The following MYH2 variants were observed in gnomAD, a reference collection of about 807,000 sequenced individuals.
The protein encoded by MYH2 is myosin heavy chain 2.
A neutral mutation model predicts 228.1 loss-of-function variants in MYH2; 139 were observed. That is an observed-to-expected ratio of 0.61 (90% CI 0.53 to 0.70). MYH2 has a LOEUF of 0.70. MYH2 is among the 30% of genes least tolerant of loss of function. MYH2 has a pLI of 0.00. For missense variants in MYH2, 1,809 were observed against 2,357.5 expected (o/e 0.77, Z 4.82); for synonymous variants, 796 against 871.1 (o/e 0.91, Z 1.52).
At chr17:10,540,130 A>T in intron 11 of MYH2, 64 bp from the exon 12 acceptor site, 1 of 1,604,324 alleles carries the variant, frequency 6.2e-7, no homozygotes, top group Admixed American at 1.7e-5. Flanking sequence ...TTAATACTGC[A>T]CATTCCCATT....
At position 10,535,770 on chromosome 17, in the gene MYH2, A is replaced by G. The variant is rs142088550; in HGVS notation, c.1975-405T>C. ...TGCACCACATTTGGACGTTTTCCTT[A>G]TAATACAGCTCCTCTTTTCCAGCTC... is the stretch of plus-strand genomic sequence containing the variant. On this transcript the variant is annotated intron_variant, in intron 17 of 39. Coordinates refer to ENST00000245503, the MANE Select transcript of MYH2 (RefSeq NM_017534.6). 2.0e-3 allele frequency among the ~76,000 whole-genome samples: 299 copies of G among 152,364 alleles called. 2 individuals are homozygous for G. Among genetic ancestry groups the G allele is most frequent in the African/African-American group, 6.8e-3 (283 of 41,584 alleles).
chr17:10,546,061 A>T (rs2073624987), intron 4 of MYH2, among the ~76,000 whole-genome samples: 1 of 151,862 alleles, frequency 6.6e-6, no homozygotes, highest in Admixed American at 6.6e-5. Context: ...GCATTAAGAT[A>T]ATTCAAATTT....
At chr17:10,539,766 C>T (rs2073528841) in intron 12 of MYH2, among the ~76,000 whole-genome samples, 162 bp downstream of exon 12, 1 of 152,112 alleles carries the variant, frequency 6.6e-6, no homozygotes, top group Non-Finnish European at 1.5e-5. Context: ...GAAACACCTA[C>T]CTAGTGCTTA....
At chr17:10,531,273 C>A (rs1017195339) in intron 22 of MYH2, among the ~76,000 whole-genome samples, 2 of 152,036 alleles carry the variant, frequency 1.3e-5, no homozygotes, top group Non-Finnish European at 2.9e-5. Flanking sequence ...AGGAAGTTTC[C>A]GAAAAATATT....
At chr17:10,528,182 T>C (rs1034781013) in intron 27 of MYH2, among the ~76,000 whole-genome samples, 3 of 151,846 alleles carry the variant, frequency 2.0e-5, no homozygotes, top group African/African-American at 7.3e-5. Context: ...TAGCTGGGAC[T>C]GCAGGCGCGC....
intron 30 of MYH2, 150 bp downstream of exon 30, chr17:10,526,449 C>A: frequency 2.3e-6 from 3 of 1,298,648 alleles, no homozygotes; most frequent in Non-Finnish European, 3.3e-6. Flanking sequence ...TTGATTTATT[C>A]ATGTCTTATT....
In MYH2 at chr17:10,524,989, C is replaced by G. The variant is rs2142292793; in HGVS notation, c.4739G>C (p.Arg1580Thr). 4 of 1,614,062 alleles carry G rather than the reference C, an allele frequency of 2.5e-6. No individual in the cohort carries two copies. Among genetic ancestry groups the G allele is most frequent in the Non-Finnish European group, 3.4e-6 (4 of 1,180,022 alleles). The change falls in exon 34 of 40, where the codon AGG (arginine) becomes ACG (threonine). Residue 1580 changes from arginine (R) to threonine (T), a missense_variant. Arg to Thr is a moderately conservative substitution (Grantham distance 71). This residue lies in a region of MYH2 where 636 missense variants were observed against 729.9 expected (regional missense o/e 0.87). Transcript: ENST00000245503. The surrounding 1 kb of genome is among the most constrained non-coding windows in gnomAD (Gnocchi z 4.7). ...TTCCTCATCTTTTTCAGCAATTTTCCTATCAACCTCAGACTTGACTTGGTT... is the reference window on the plus strand; with the variant it reads ...TTCCTCATCTTTTTCAGCAATTTTCGTATCAACCTCAGACTTGACTTGGTT... ...ELNQVKSEVD[R>T]KIAEKDEEID...
chr17:10,542,903 A>G lies in MYH2; in HGVS notation c.876T>C (p.Ile292=). The change falls in exon 10 of 40, where the codon ATT becomes ATC. Residue 292 remains isoleucine, a synonymous_variant. Transcript: ENST00000245503. The part of the protein sequence containing the change: ...AERSYHIFYQ[I]TSNKKPELIE... ...TAAGTTCTGGTTTCTTATTCGATGT[A>G]ATCTGGTAAAAAATATGATAACTTC... 1 of 1,610,306 alleles carries G rather than the reference A, an allele frequency of 6.2e-7. No individual in the cohort carries two copies. Among genetic ancestry groups the G allele is most frequent in the South Asian group, 1.1e-5 (1 of 90,946 alleles).
At chr17:10,546,778 TTA>T (rs200902703) in intron 4 of MYH2, among the ~76,000 whole-genome samples, 3,831 of 128,492 alleles carry the variant, frequency 0.03, 57 homozygotes, top group African/African-American at 0.037. Flanking sequence ...AAATTTGTTT[TTA>T]AAAAAAAAAA....
chr17:10,523,090 A>C lies in MYH2; in HGVS notation c.5673T>G (p.Ala1891=). The change falls in exon 39 of 40, where the codon GCT becomes GCG. Residue 1891 remains alanine, a splice_region_variant and synonymous_variant. Transcript: ENST00000245503. ...VKSYKRQAEE[A]EEQSNTNLAK... Reference sequence around the variant, plus strand: ...GGACTTCAATCTTAAAAATACTTACAGCCTCCTCAGCTTGTCTCTTATAAG... The same window carrying C: ...GGACTTCAATCTTAAAAATACTTACCGCCTCCTCAGCTTGTCTCTTATAAG... The C allele has an allele frequency of 6.2e-7, 1 of 1,603,738 alleles. No individual in the cohort carries two copies.
In MYH2 at chr17:10,543,088, G is replaced by T; in HGVS notation, c.805+10C>A. 6.2e-7 allele frequency: 1 copy of T among 1,609,124 alleles called. No individual in the cohort carries two copies. The highest frequency in any genetic ancestry group is 1.1e-5 in the South Asian group (1 of 90,872). On this transcript the variant is annotated intron_variant, in intron 9 of 39. Transcript: ENST00000245503. ...ATCAGAAATGATTTTAAAGATATCTGAACACTTACATGTTTCAATATCAGC... is the reference window on the plus strand; with the variant it reads ...ATCAGAAATGATTTTAAAGATATCTTAACACTTACATGTTTCAATATCAGC...
In MYH2 at chr17:10,524,094, G is replaced by A. The variant is rs2073318983; in HGVS notation, c.5176-210C>T. 6.6e-6 allele frequency among the ~76,000 whole-genome samples: 1 copy of A among 152,148 alleles called. No individual in the cohort carries two copies. The highest frequency in any genetic ancestry group is 1.5e-5 in the Non-Finnish European group (1 of 68,040). ...TCTTCAAGTGTATAGGTCACAAGCA[G>A]ACCAAGTAGCTCTATAATTTTATAA... On this transcript the variant is annotated intron_variant, in intron 35 of 39. Transcript: ENST00000245503. The surrounding 1 kb of genome is among the most constrained non-coding windows in gnomAD (Gnocchi z 4.7).
intron 10 of MYH2, among the ~76,000 whole-genome samples, chr17:10,542,300 A>G (rs1815609264): frequency 1.8e-5 from 2 of 112,368 alleles, no homozygotes; most frequent in African/African-American, 5.9e-5. Flanking sequence ...AACAAACAAA[A>G]CTATTGTAAT....
chr17:10,541,250 A>T (rs1023947215), intron 10 of MYH2, among the ~76,000 whole-genome samples: 1 of 152,238 alleles, frequency 6.6e-6, no homozygotes, highest in African/African-American at 2.4e-5. Flanking sequence ...TTCTTTCAAA[A>T]GCAAATAGAA....
At chr17:10,527,968 A>C (rs972926514) in intron 27 of MYH2, 94 bp from the exon 28 acceptor site, 1 of 1,418,034 alleles carries the variant, frequency 7.1e-7, no homozygotes, top group Non-Finnish European at 9.7e-7. Context: ...AAAATAAAAA[A>C]TACAATATTT....
In MYH2 at chr17:10,547,456, A is replaced by G. The variant is rs763545721; in HGVS notation, c.348+19T>C. ...GTACATGAGGATGATTATACAGAGC[A>G]CTGGCAGGGGACACTCACGTAGATC... On this transcript the variant is annotated intron_variant, in intron 4 of 39. Transcript: ENST00000245503. 7 of 1,613,852 alleles carry G rather than the reference A, an allele frequency of 4.3e-6. No individual in the cohort carries two copies. The Admixed American group carries it at 1.0e-4, about 23-fold the overall frequency.
At chr17:10,548,029 T>C in intron 2 of MYH2, 89 bp from the exon 3 acceptor site, 1 of 1,176,988 alleles carries the variant, frequency 8.5e-7, no homozygotes, top group South Asian at 1.3e-5. Context: ...ATAGGCCCAG[T>C]TGGAAATTCC....
In MYH2 at chr17:10,525,401, G is replaced by C; in HGVS notation, c.4537+50C>G. On this transcript the variant is annotated intron_variant, in intron 32 of 39. Transcript: ENST00000245503. This position sits in a 1 kb window ranked among gnomAD's most constrained non-coding sequence, Gnocchi z 4.2. ...GATTTGGTTAAACATGTGACATAAG[G>C]GAGAGATTCTTCCAAGTTATGAATA... The C allele has an allele frequency of 6.2e-7, 1 of 1,614,028 alleles. No homozygotes were observed. The highest frequency in any genetic ancestry group is 8.5e-7 in the Non-Finnish European group (1 of 1,179,904).
At position 10,525,126 on chromosome 17, in the gene MYH2, A is replaced by C; in HGVS notation, c.4663-61T>G. ...CAAAAGCTTTATGAAGTTTTTCTGC[A>C]CAGCAATAATTTTGTGCTATGTGTC... is the stretch of plus-strand genomic sequence containing the variant. On this transcript the variant is annotated intron_variant, in intron 33 of 39. Transcript: ENST00000245503. The surrounding 1 kb of genome is among the most constrained non-coding windows in gnomAD (Gnocchi z 4.2). 1 of 1,614,018 alleles carries C rather than the reference A, an allele frequency of 6.2e-7. No homozygotes were observed. Among genetic ancestry groups the C allele is most frequent in the East Asian group, 2.2e-5 (1 of 44,862 alleles).
Sources: allele counts gnomAD v4.1 joint callset (sites outside exome capture counted in the v4.1 genomes callset), GRCh38; gene constraint gnomAD v4.1.1; regional missense constraint gnomAD v4.1.1; non-coding constraint Gnocchi (gnomAD v3.1); transcripts MANE v1.5; gene names NCBI Gene and HGNC (gene_info 2026-07-23, HGNC 2026-07-21).